NR1I2: variants seen among roughly 807,000 people sequenced by gnomAD.
The protein encoded by NR1I2 is nuclear receptor subfamily 1 group I member 2.
In NR1I2, 42 loss-of-function variants were observed where a neutral mutation model predicts 43.3. The ratio of observed to expected loss-of-function variants is 0.97; its 90% CI spans 0.76 to 1.26. NR1I2 has a LOEUF of 1.26. Ranked by LOEUF, NR1I2 falls within the 50% of genes most tolerant of loss-of-function variation. The pLI is 0.00. For synonymous variants in NR1I2, 229 were observed against 215.0 expected, an observed-to-expected ratio of 1.06 and a Z score of -0.57; for missense variants, 559 against 566.7, an observed-to-expected ratio of 0.99 and a Z score of 0.14.
chr3:119,816,857 T>C (rs1253588806), intron 8 of NR1I2, among the ~76,000 whole-genome samples: 1 of 148,514 alleles, frequency 6.7e-6, no homozygotes, highest in Non-Finnish European at 1.5e-5. Context: ...ACAGCTCCCA[T>C]GAATGGGATG....
intron 1 of NR1I2, among the ~76,000 whole-genome samples, chr3:119,802,603 T>A (rs528423832): frequency 1.3e-5 from 2 of 152,212 alleles, no homozygotes; most frequent in Non-Finnish European, 2.9e-5. Context: ...GGCTCCTGAA[T>A]GATGCTGAAA....
intron 1 of NR1I2, among the ~76,000 whole-genome samples, chr3:119,791,327 C>T (rs1216099933): frequency 6.6e-6 from 1 of 152,146 alleles, no homozygotes; most frequent in Non-Finnish European, 1.5e-5. Flanking sequence ...GAGTGGCCTC[C>T]TCCTGCAATG....
At chr3:119,803,349 AAGAGAGAG>A (rs3030842) in intron 1 of NR1I2, among the ~76,000 whole-genome samples, 148 of 148,016 alleles carry the variant, frequency 1.0e-3, no homozygotes, top group African/African-American at 3.4e-3. Context: ...TCTGTCTCAA[AAGAGAGAG>A]AGAGAGAGAG....
chr3:119,801,884 A>T (rs2055086456), intron 1 of NR1I2, among the ~76,000 whole-genome samples: 1 of 152,146 alleles, frequency 6.6e-6, no homozygotes, highest in Non-Finnish European at 1.5e-5. Flanking sequence ...GTGCGATCTC[A>T]GGCCTCTCCC....
Position 119,812,828 on chromosome 3 carries a change from G to C in NR1I2, c.662G>C (p.Ser221Thr). ...CTGCAGCTGCGGGGGGAGGATGGCAGTGTCTGGAACTACAAACCCCCAGCC... is the reference window on the plus strand; with the variant it reads ...CTGCAGCTGCGGGGGGAGGATGGCACTGTCTGGAACTACAAACCCCCAGCC... Residue 221 changes from serine (S) to threonine (T), a missense_variant, in exon 5 of 9, where the codon AGT (serine) becomes ACT (threonine). Around this residue, in one of 3 missense-constraint regions of NR1I2, gnomAD observed 323 missense variants for 312.2 expected, o/e 1.03. Coordinates refer to ENST00000393716, the MANE Select transcript of NR1I2 (RefSeq NM_003889.4). 6.2e-7 allele frequency: 1 copy of C among 1,614,238 alleles called. No individual in the cohort carries two copies. Among genetic ancestry groups the C allele is most frequent in the East Asian group, 2.2e-5 (1 of 44,888 alleles).
At chr3:119,800,561 T>C (rs529394347) in intron 1 of NR1I2, among the ~76,000 whole-genome samples, 29 of 152,348 alleles carry the variant, frequency 1.9e-4, no homozygotes, top group Admixed American at 1.8e-3. Context: ...CCATTTATTT[T>C]TCATTAATCA....
In NR1I2 at chr3:119,818,476, C is replaced by A. The variant is rs1343775457; in HGVS notation, c.*1264C>A. 5.1e-6 allele frequency: 5 copies of A among 984,980 alleles called. No individual in the cohort carries two copies. The South Asian group carries it at 1.9e-4, about 37-fold the overall frequency. 61.0% of individuals were successfully genotyped at this position (984,980 alleles called of 1,614,324 possible). On this transcript the variant is annotated 3_prime_UTR_variant, in exon 9 of 9. Transcript: ENST00000393716. The stretch of plus-strand genomic sequence containing the variant: ...AAGGCAAAAGGAATTAAATAATGTA[C>A]TTTTGGCTAGAGGGGTAAACTTTTT...
chr3:119,794,698 T>C (rs1186481488), intron 1 of NR1I2, among the ~76,000 whole-genome samples: 1 of 151,946 alleles, frequency 6.6e-6, no homozygotes, highest in Non-Finnish European at 1.5e-5. Flanking sequence ...AGCATTTTGG[T>C]TGGCCAAGGC....
intron 5 of NR1I2, 146 bp from the exon 6 acceptor site, chr3:119,814,833 G>A: frequency 1.0e-6 from 1 of 998,314 alleles, no homozygotes; most frequent in East Asian, 2.6e-5. Context: ...GAGGCAGCCA[G>A]ACAGCAGCCA....
At position 119,785,490 on chromosome 3, in the gene NR1I2, A is replaced by G. The variant is rs1469345321; in HGVS notation, c.-23+3190A>G. Reference sequence around the variant, plus strand: ...AGACTTTTCTTTTTGCTCTACCCAGAGCCAAGGCTGAGAAGGCCTGGGATA... The same window carrying G: ...AGACTTTTCTTTTTGCTCTACCCAGGGCCAAGGCTGAGAAGGCCTGGGATA... On this transcript the variant is annotated intron_variant, in intron 1 of 8. Transcript: ENST00000393716. 3.3e-5 allele frequency among the ~76,000 whole-genome samples: 5 copies of G among 152,280 alleles called. No individual in the cohort carries two copies. In the East Asian group the frequency reaches 9.6e-4, roughly 29 times the overall value.
intron 1 of NR1I2, chr3:119,782,973 G>A (rs1381434228): frequency 1.2e-6 from 1 of 824,132 alleles, no homozygotes; most frequent in Non-Finnish European, 2.1e-6. Flanking sequence ...CTCGGCTGAA[G>A]CTATGGCCAG....
In NR1I2 at chr3:119,815,160, A is replaced by T. The variant is rs200719238; in HGVS notation, c.937+39A>T. On this transcript the variant is annotated intron_variant, in intron 6 of 8. Coordinates refer to ENST00000393716, the MANE Select transcript of NR1I2 (RefSeq NM_003889.4). ...CCTGCCTGCCCTGGCAGAGGGAGGG[A>T]AACACTGCAGTTATGGGAGGAAGGG... 138 of 1,613,774 alleles carry T rather than the reference A, an allele frequency of 8.6e-5. No homozygotes were observed. The South Asian group carries it at 8.8e-4, about 10-fold the overall frequency.
intron 5 of NR1I2, among the ~76,000 whole-genome samples, chr3:119,813,965 A>G (rs2055282539): frequency 6.6e-6 from 1 of 152,114 alleles, no homozygotes; most frequent in Non-Finnish European, 1.5e-5. Context: ...CCCCAAGGAT[A>G]AGAAACTTGT....
chr3:119,792,039 CATA>C, intron 1 of NR1I2: 1 of 725,784 alleles, frequency 1.4e-6, no homozygotes, highest in Non-Finnish European at 2.6e-6. Flanking sequence ...TTCTCAACCA[CATA>C]ATGTGCCAGT....
Position 119,807,117 on chromosome 3 carries a change from G to A in NR1I2, c.-22-112G>A, listed in dbSNP as rs1026941816. ...TTTTCCCCATGAGAGGTCAGCTCCC[G>A]AGTTCACAGGCCCAAATGTGAGTGA... On this transcript the variant is annotated intron_variant, in intron 1 of 8. Transcript: ENST00000393716. 72 of 941,420 alleles carry A rather than the reference G, an allele frequency of 7.6e-5. 1 individual carries two copies. Among genetic ancestry groups the A allele is most frequent in the South Asian group, 5.5e-4 (39 of 70,966 alleles). 58.3% of individuals were successfully genotyped at this position (941,420 alleles called of 1,614,324 possible).
At chr3:119,790,862 G>A (rs1479981771) in intron 1 of NR1I2, among the ~76,000 whole-genome samples, 2 of 152,014 alleles carry the variant, frequency 1.3e-5, no homozygotes, top group Admixed American at 6.6e-5. Context: ...TCCATTTCTG[G>A]CTCTGTCTGC....
chr3:119,816,472 C>T (rs2055330129), intron 8 of NR1I2, among the ~76,000 whole-genome samples: 1 of 152,180 alleles, frequency 6.6e-6, no homozygotes. Flanking sequence ...CCCACACCCC[C>T]AAACTGGTAG....
At chr3:119,807,759 C>T (rs1010878483) in intron 2 of NR1I2, among the ~76,000 whole-genome samples, 21 of 152,162 alleles carry the variant, frequency 1.4e-4, no homozygotes, top group African/African-American at 4.6e-4. Context: ...TGTTCACATC[C>T]GCCTTCTGGG....
At position 119,789,527 on chromosome 3, in the gene NR1I2, C is replaced by T. The variant is rs183275227; in HGVS notation, c.-23+7227C>T. 3.2e-4 allele frequency among the ~76,000 whole-genome samples: 49 copies of T among 152,278 alleles called. No individual in the cohort carries two copies. In the East Asian group the frequency reaches 4.1e-3, roughly 13 times the overall value. ...GCCATGAGAACAGTATTGGGGGAAC[C>T]GCCCCCATGATTCAATTACCTTCCA... On this transcript the variant is annotated intron_variant, in intron 1 of 8. Coordinates refer to ENST00000393716, the MANE Select transcript of NR1I2 (RefSeq NM_003889.4).
Sources: gnomAD v4.1 joint callset for allele counts (sites outside exome capture counted in the v4.1 genomes callset) on GRCh38, gnomAD v4.1.1 for gene constraint, gnomAD v4.1.1 regional missense constraint, MANE v1.5 for transcripts, NCBI Gene and HGNC (gene_info 2026-07-23, HGNC 2026-07-21) for gene names.